Variants in MYRIP observed in about 807,000 individuals in gnomAD.
The protein encoded by MYRIP is myosin VIIA and Rab interacting protein, also known as rab effector MyRIP.
In MYRIP, 49 loss-of-function variants were observed where a neutral mutation model predicts 98.0. That is an observed-to-expected ratio of 0.50 (90% CI 0.40 to 0.63). The LOEUF is 0.63. Among genes scored for constraint, MYRIP ranks in the 30% least tolerant of loss-of-function variants. The pLI is 0.00. For missense variants in MYRIP, 1,004 were observed against 1,058.2 expected, an observed-to-expected ratio of 0.95 and a Z score of 0.71; for synonymous variants, 404 against 409.5, an observed-to-expected ratio of 0.99 and a Z score of 0.16.
intron 3 of MYRIP, among the ~76,000 whole-genome samples, chr3:40,069,737 A>G (rs746093120): frequency 1.3e-5 from 2 of 152,106 alleles, no homozygotes; most frequent in Non-Finnish European, 2.9e-5. Context: ...GGCACCAGGG[A>G]CGGGTTTTAT....
At chr3:39,877,543 T>C (rs1488781407) in intron 1 of MYRIP, among the ~76,000 whole-genome samples, 1 of 152,190 alleles carries the variant, frequency 6.6e-6, no homozygotes, top group African/African-American at 2.4e-5. Context: ...TTTCTGTTTG[T>C]TAGTTTTCCT....
rs1161935998 is a variant in MYRIP, at chr3:39,984,447, A to T, written c.111-59603A>T. 2.0e-5 allele frequency among the ~76,000 whole-genome samples: 3 copies of T among 152,042 alleles called. No homozygotes were observed. The East Asian group carries it at 5.8e-4, about 29-fold the overall frequency. On this transcript the variant is annotated intron_variant, in intron 2 of 16. Coordinates refer to ENST00000302541, the MANE Select transcript of MYRIP (RefSeq NM_015460.4). Reference sequence around the variant, plus strand: ...TGTGTCCATGTGTTCTCATTGTTCAATTCCCACCTATGAGTGAGAATATGC... The same window carrying T: ...TGTGTCCATGTGTTCTCATTGTTCATTTCCCACCTATGAGTGAGAATATGC...
At chr3:40,128,943 T>C (rs1384119314) in intron 3 of MYRIP, among the ~76,000 whole-genome samples, 5 of 152,164 alleles carry the variant, frequency 3.3e-5, no homozygotes, top group Non-Finnish European at 5.9e-5. Flanking sequence ...TTTGTATCAA[T>C]AGTATTATTA....
intron 5 of MYRIP, among the ~76,000 whole-genome samples, chr3:40,166,502 C>T (rs1197862224): frequency 1.3e-5 from 2 of 151,244 alleles, no homozygotes; most frequent in African/African-American, 2.5e-5. Flanking sequence ...CAGCCAAGGG[C>T]GGGGCTGAAG....
At chr3:39,809,324 G>C (rs1940576273), upstream of MYRIP, among the ~76,000 whole-genome samples, 1 of 151,052 alleles carries the variant, frequency 6.6e-6, no homozygotes, top group Non-Finnish European at 1.5e-5. Context: ...CCGCAGGGAA[G>C]AGCCCCGGGA....
intron 3 of MYRIP, among the ~76,000 whole-genome samples, chr3:40,079,782 C>G (rs1948434664): frequency 6.6e-6 from 1 of 152,210 alleles, no homozygotes; most frequent in African/African-American, 2.4e-5. Flanking sequence ...GGAAGTATAG[C>G]ATTGTTCACA....
At chr3:39,862,328 C>T (rs1417664302) in intron 1 of MYRIP, among the ~76,000 whole-genome samples, 1 of 152,040 alleles carries the variant, frequency 6.6e-6, no homozygotes, top group African/African-American at 2.4e-5. Flanking sequence ...ATAAGAGGTC[C>T]TGAAGGGAGT....
intron 15 of MYRIP, 56 bp downstream of exon 15, chr3:40,250,555 T>C (rs1004458567): frequency 2.5e-5 from 39 of 1,587,640 alleles, no homozygotes; most frequent in Non-Finnish European, 3.3e-5. Flanking sequence ...ATCATTTACT[T>C]TGGGTAACAA....
chr3:40,142,047 A>ATTTTT (rs768094065), intron 3 of MYRIP, among the ~76,000 whole-genome samples: 10 of 95,966 alleles, frequency 1.0e-4, no homozygotes, highest in African/African-American at 1.7e-4. Context: ...TATGCTGTTG[A>ATTTTT]TTTTTTTTTT....
At chr3:40,246,175 T>G (rs926097109) in intron 13 of MYRIP, among the ~76,000 whole-genome samples, 3 of 150,120 alleles carry the variant, frequency 2.0e-5, no homozygotes, top group African/African-American at 4.9e-5. Flanking sequence ...TTTTAGAGGG[T>G]TTTTTTTTCG....
intron 1 of MYRIP, among the ~76,000 whole-genome samples, chr3:39,887,809 T>A (rs969863542): frequency 3.9e-5 from 6 of 152,184 alleles, no homozygotes; most frequent in African/African-American, 1.4e-4. Context: ...CTCCTTAAGC[T>A]GATAAACAAC....
At position 39,960,894 on chromosome 3, in the gene MYRIP, C is replaced by G. The variant is rs566923139; in HGVS notation, c.110+59968C>G. ...TCTTCCTTCTGAAAATCGATACCTC[C>G]CCCTCATGAGTGTTGTGCTGTGCAG... On this transcript the variant is annotated intron_variant, in intron 2 of 16. Transcript: ENST00000302541. Among the ~76,000 whole-genome samples the G allele has an allele frequency of 2.0e-4, 30 of 152,242 alleles. No individual in the cohort carries two copies. The South Asian group carries it at 5.8e-3, about 29-fold the overall frequency.
At chr3:39,877,536 C>T (rs1943033665) in intron 1 of MYRIP, among the ~76,000 whole-genome samples, 3 of 152,128 alleles carry the variant, frequency 2.0e-5, no homozygotes. Context: ...GATGTCCTTT[C>T]TGTTTGTTAG....
At position 40,100,939 on chromosome 3, in the gene MYRIP, G is replaced by C. The variant is rs528875194; in HGVS notation, c.333-50109G>C. The stretch of plus-strand genomic sequence containing the variant: ...TTAATTTTATTTTAATCCAAGTCAT[G>C]AATGTATAGACTTTAAAACATCAAA... On this transcript the variant is annotated intron_variant, in intron 3 of 16. Transcript: ENST00000302541. 5.3e-5 allele frequency among the ~76,000 whole-genome samples: 8 copies of C among 152,128 alleles called. No individual in the cohort carries two copies. In the East Asian group the frequency reaches 1.2e-3, roughly 22 times the overall value.
rs572227767 is a variant in MYRIP at position 40,121,718 on chromosome 3, C to T, written c.333-29330C>T. Among the ~76,000 whole-genome samples, 111 of 152,156 alleles carry T rather than the reference C, an allele frequency of 7.3e-4. 2 individuals carry two copies. In the Middle Eastern group the frequency reaches 0.014, roughly 19 times the overall value. ...GCAAGCAAGGCACTCACTCCCCTGG[C>T]GTACCAAAAAACTCAGTAGTAGAGA... On this transcript the variant is annotated intron_variant, in intron 3 of 16. Coordinates refer to ENST00000302541, the MANE Select transcript of MYRIP (RefSeq NM_015460.4).
chr3:40,219,823 G>A (rs1452806310), intron 11 of MYRIP, among the ~76,000 whole-genome samples: 1 of 151,546 alleles, frequency 6.6e-6, no homozygotes, highest in Non-Finnish European at 1.5e-5. Flanking sequence ...ATAGCAGCAT[G>A]ATTTATAATC....
intron 3 of MYRIP, among the ~76,000 whole-genome samples, chr3:40,061,425 T>TA (rs1575505110): frequency 6.6e-6 from 1 of 152,266 alleles, no homozygotes; most frequent in Non-Finnish European, 1.5e-5. Flanking sequence ...TGTTCTTTTT[T>TA]ACGGCTGCAT....
At chr3:39,827,590 C>CTA (rs1173462405) in intron 1 of MYRIP, among the ~76,000 whole-genome samples, 1 of 152,050 alleles carries the variant, frequency 6.6e-6, no homozygotes, top group East Asian at 1.9e-4. Flanking sequence ...ACTTTTGTTG[C>CTA]TGCTTGATTT....
intron 5 of MYRIP, among the ~76,000 whole-genome samples, chr3:40,165,267 T>C (rs1171752324): frequency 6.6e-6 from 1 of 152,252 alleles, no homozygotes; most frequent in Non-Finnish European, 1.5e-5. Context: ...GCTTGTGACA[T>C]ACTCATCAGC....
Sources: gnomAD v4.1 joint callset for allele counts (sites outside exome capture counted in the v4.1 genomes callset) on GRCh38, gnomAD v4.1.1 for gene constraint, MANE v1.5 for transcripts, NCBI Gene and HGNC (gene_info 2026-07-23, HGNC 2026-07-21) for gene names.